The following MYO9A variants were observed in gnomAD, a reference collection of about 807,000 sequenced individuals.
MYO9A encodes myosin IXA.
A neutral mutation model predicts 293.3 loss-of-function variants in MYO9A; 103 were observed. The observed-to-expected ratio is 0.35, with a 90% confidence interval of 0.30 to 0.41. MYO9A has a LOEUF of 0.41. Among genes scored for constraint, MYO9A ranks in the 10% least tolerant of loss-of-function variants. The pLI is 1.00. For missense variants in MYO9A, 2,685 were observed against 3,033.0 expected (o/e 0.89, Z 2.69); for synonymous variants, 1,001 against 1,035.7 (o/e 0.97, Z 0.64).
intron 39 of MYO9A, among the ~76,000 whole-genome samples, chr15:71,830,973 C>CTTT (rs67440366): frequency 1.2e-4 from 12 of 103,074 alleles, no homozygotes; most frequent in South Asian, 3.2e-4. Context: ...CTGCTTCTTC[C>CTTT]TTTTTTTTTT....
chr15:71,990,604 A>C (rs2076517496), intron 11 of MYO9A, among the ~76,000 whole-genome samples: 1 of 152,004 alleles, frequency 6.6e-6, no homozygotes, highest in Non-Finnish European at 1.5e-5. Context: ...AAATACAAAA[A>C]AATTAGCCGG....
chr15:71,908,156 T>C (rs2144205372), intron 19 of MYO9A, among the ~76,000 whole-genome samples: 1 of 152,356 alleles, frequency 6.6e-6, no homozygotes, highest in South Asian at 2.1e-4. Context: ...TTCAGCTTTC[T>C]ACATATGGCT....
intron 8 of MYO9A, among the ~76,000 whole-genome samples, chr15:72,003,099 G>A (rs529367179): frequency 1.3e-5 from 2 of 151,642 alleles, no homozygotes; most frequent in South Asian, 2.1e-4. Context: ...GAGAAACTCC[G>A]TCTCTACTAA....
intron 2 of MYO9A, among the ~76,000 whole-genome samples, chr15:72,037,894 T>C (rs2078105063): frequency 6.6e-6 from 1 of 150,522 alleles, no homozygotes; most frequent in African/African-American, 2.4e-5. Flanking sequence ...CTGGACTTAC[T>C]AGGCAAAGAC....
intron 1 of MYO9A, among the ~76,000 whole-genome samples, chr15:72,073,727 A>G (rs16956539): frequency 0.051 from 7,801 of 152,248 alleles, 331 homozygotes; most frequent in East Asian, 0.18. Context: ...CTTACAGACC[A>G]AATTGAGGTA....
chr15:71,927,513 C>G (rs1003105473), intron 18 of MYO9A, among the ~76,000 whole-genome samples: 1 of 152,114 alleles, frequency 6.6e-6, no homozygotes, highest in Non-Finnish European at 1.5e-5. Context: ...TCCAGAACCA[C>G]GCTGAGATAA....
chr15:72,028,514 G>A (rs1219533921), intron 3 of MYO9A, among the ~76,000 whole-genome samples: 1 of 151,348 alleles, frequency 6.6e-6, no homozygotes, highest in African/African-American at 2.4e-5. Context: ...AGGCATGGTG[G>A]TGCACGCCTG....
At chr15:71,867,271 T>G (rs1302422757) in intron 32 of MYO9A, among the ~76,000 whole-genome samples, 1 of 152,048 alleles carries the variant, frequency 6.6e-6, no homozygotes. Context: ...GCAATTTAAA[T>G]GTAAAAAATG....
At chr15:71,995,322 T>C (rs1370029573) in intron 9 of MYO9A, among the ~76,000 whole-genome samples, 1 of 152,196 alleles carries the variant, frequency 6.6e-6, no homozygotes, top group Non-Finnish European at 1.5e-5. Flanking sequence ...CATACACTAA[T>C]ACAACCACAA....
At chr15:71,997,483 C>G (rs1053251830) in intron 9 of MYO9A, among the ~76,000 whole-genome samples, 1 of 151,904 alleles carries the variant, frequency 6.6e-6, no homozygotes, top group Non-Finnish European at 1.5e-5. Context: ...GCCTGTAATC[C>G]CAGCTACTCG....
At chr15:72,034,780 GA>G (rs1191264014) in intron 2 of MYO9A, among the ~76,000 whole-genome samples, 2 of 152,164 alleles carry the variant, frequency 1.3e-5, no homozygotes, top group African/African-American at 4.8e-5. Flanking sequence ...TTGGAGATAC[GA>G]AATATGGATG....
At chr15:71,895,501 T>C (rs1206074469) in intron 25 of MYO9A, among the ~76,000 whole-genome samples, 1 of 152,168 alleles carries the variant, frequency 6.6e-6, no homozygotes, top group Non-Finnish European at 1.5e-5. Context: ...GTCCCAGCCA[T>C]TTCTCTAAAT....
chr15:72,076,567 G>A (rs535410157), intron 1 of MYO9A, among the ~76,000 whole-genome samples: 20 of 152,198 alleles, frequency 1.3e-4, no homozygotes, highest in African/African-American at 4.8e-4. Context: ...TCTCTAACGT[G>A]AAAACTATGA....
chr15:72,048,285 G>A (rs555227771), intron 1 of MYO9A, among the ~76,000 whole-genome samples: 54 of 151,886 alleles, frequency 3.6e-4, no homozygotes, highest in African/African-American at 1.0e-3. Context: ...TGTAATCCCA[G>A]CTACTCAGGG....
chr15:72,017,054 T>C (rs1253003366), intron 6 of MYO9A, among the ~76,000 whole-genome samples: 1 of 134,566 alleles, frequency 7.4e-6, no homozygotes, highest in African/African-American at 2.7e-5. Context: ...AGAGTCTTGC[T>C]GTGTCACCCA....
At chr15:72,007,608 A>G (rs532345868) in intron 8 of MYO9A, among the ~76,000 whole-genome samples, 1 of 152,294 alleles carries the variant, frequency 6.6e-6, no homozygotes, top group South Asian at 2.1e-4. Context: ...GAGGCAGAGG[A>G]GAAAACACAA....
intron 39 of MYO9A, among the ~76,000 whole-genome samples, chr15:71,835,523 CTA>C (rs918728077): frequency 3.3e-5 from 5 of 151,804 alleles, no homozygotes; most frequent in African/African-American, 1.2e-4. Context: ...AAAATAATAC[CTA>C]TGATTGCATT....
At chr15:71,922,254 C>T (rs144791948) in intron 18 of MYO9A, among the ~76,000 whole-genome samples, 1 of 152,322 alleles carries the variant, frequency 6.6e-6, no homozygotes, top group African/African-American at 2.4e-5. Context: ...GCTGGGATTA[C>T]AGGCGTGAGC....
intron 3 of MYO9A, 91 bp downstream of exon 3, chr15:72,032,403 C>T: frequency 1.3e-6 from 1 of 764,414 alleles, no homozygotes; most frequent in Non-Finnish European, 1.9e-6. Flanking sequence ...ACACCAATGT[C>T]TGGGAATGAA....
Sources: gnomAD v4.1 joint callset for allele counts (sites outside exome capture counted in the v4.1 genomes callset) on GRCh38, gnomAD v4.1.1 for gene constraint, MANE v1.5 for transcripts, NCBI Gene and HGNC (gene_info 2026-07-23, HGNC 2026-07-21) for gene names.